MRTFB: variants seen among roughly 807,000 people sequenced by gnomAD.
The protein encoded by MRTFB is myocardin-related transcription factor B.
MRTFB carries 29 observed loss-of-function variants against 104.2 expected under a neutral mutation model. The observed-to-expected ratio is 0.28, with a 90% confidence interval of 0.21 to 0.38. The LOEUF (loss-of-function observed/expected upper bound fraction) is 0.38. Ranked by LOEUF, MRTFB falls within the 10% of genes least tolerant of loss-of-function variation. The pLI is 1.00. For synonymous variants in MRTFB, 535 were observed against 519.5 expected, an observed-to-expected ratio of 1.03 and a Z score of -0.41; for missense variants, 1,270 against 1,341.6, an observed-to-expected ratio of 0.95 and a Z score of 0.83.
At chr16:14,135,666 T>C (rs1248900897) in intron 2 of MRTFB, among the ~76,000 whole-genome samples, 1 of 152,244 alleles carries the variant, frequency 6.6e-6, no homozygotes. Context: ...TTCCTCAGCA[T>C]TTCAGCATGA....
At chr16:14,213,484 A>G (rs1394540006) in intron 5 of MRTFB, 61 bp from the exon 6 acceptor site, 26 of 1,188,484 alleles carry the variant, frequency 2.2e-5, no homozygotes, top group Non-Finnish European at 3.1e-5. Context: ...TACCTTAAAG[A>G]ACATTTAAAA....
intron 2 of MRTFB, among the ~76,000 whole-genome samples, chr16:14,135,408 C>T (rs1484101587): frequency 1.3e-5 from 2 of 152,224 alleles, no homozygotes; most frequent in Admixed American, 6.5e-5. Context: ...CATTGTGTTA[C>T]AGTCACCTGT....
intron 8 of MRTFB, among the ~76,000 whole-genome samples, chr16:14,226,511 A>T (rs1279113321): frequency 6.6e-6 from 1 of 152,234 alleles, no homozygotes; most frequent in Non-Finnish European, 1.5e-5. Flanking sequence ...ACCTTTACCT[A>T]ACATCGTAGG....
intron 3 of MRTFB, among the ~76,000 whole-genome samples, chr16:14,147,716 G>A (rs778186415): frequency 6.6e-6 from 1 of 152,190 alleles, no homozygotes; most frequent in South Asian, 2.1e-4. Flanking sequence ...TTATCAATGA[G>A]GGGGTGGATG....
intron 2 of MRTFB, among the ~76,000 whole-genome samples, chr16:14,081,476 A>G (rs1305999721): frequency 1.3e-5 from 2 of 152,048 alleles, no homozygotes. Flanking sequence ...TATTTTTAGT[A>G]GAGACGGGGT....
At chr16:14,216,054 A>G (rs974445373) in intron 6 of MRTFB, among the ~76,000 whole-genome samples, 1 of 152,268 alleles carries the variant, frequency 6.6e-6, no homozygotes, top group Admixed American at 6.5e-5. Context: ...TAAATTATGT[A>G]TTCGCAATAG....
chr16:14,213,685 A>T, intron 6 of MRTFB, 65 bp downstream of exon 6: 3 of 1,174,796 alleles, frequency 2.6e-6, no homozygotes, highest in Non-Finnish European at 3.6e-6. Context: ...AATTTCCACC[A>T]TTTCTGTTTA....
chr16:14,104,777 C>T (rs1017454640), intron 2 of MRTFB, among the ~76,000 whole-genome samples: 9 of 152,134 alleles, frequency 5.9e-5, no homozygotes, highest in Non-Finnish European at 1.2e-4. Context: ...ATGTAGGCAC[C>T]GCAGTCCATT....
At chr16:14,203,886 CAT>C in intron 3 of MRTFB, among the ~76,000 whole-genome samples, 1 of 150,122 alleles carries the variant, frequency 6.7e-6, no homozygotes, top group Non-Finnish European at 1.5e-5. Flanking sequence ...GTTCAAAAAG[CAT>C]GTGAAATTTT....
At chr16:14,115,696 A>G (rs943789005) in intron 2 of MRTFB, among the ~76,000 whole-genome samples, 3 of 152,210 alleles carry the variant, frequency 2.0e-5, no homozygotes, top group Non-Finnish European at 4.4e-5. Flanking sequence ...TGCACTACAA[A>G]TAGCCTCAAA....
intron 2 of MRTFB, among the ~76,000 whole-genome samples, chr16:14,098,429 C>G (rs1304558399): frequency 6.6e-6 from 1 of 152,062 alleles, no homozygotes; most frequent in Non-Finnish European, 1.5e-5. Context: ...CTTATTATTA[C>G]TGAGTTTTGA....
intron 2 of MRTFB, among the ~76,000 whole-genome samples, chr16:14,119,360 T>C (rs2036718682): frequency 1.3e-5 from 2 of 152,182 alleles, no homozygotes; most frequent in African/African-American, 4.8e-5. Flanking sequence ...TAGGTTATAG[T>C]TTGTTTATGT....
In MRTFB at chr16:14,263,724, T is replaced by C. The variant is rs2043852178; in HGVS notation, c.*2280T>C. ...AAAATGCTATCTCATTGGCCTACTC[T>C]CCTATGAATTGCTAAAGTGCCCACT... On this transcript the variant is annotated 3_prime_UTR_variant, in exon 17 of 17. Transcript: ENST00000571589. 1 of 152,238 alleles carries C rather than the reference T, an allele frequency of 6.6e-6. No homozygotes were observed. The highest frequency in any genetic ancestry group is 6.5e-5 in the Admixed American group (1 of 15,280). The allele number at this position is 152,238 out of a possible 1,614,324, so 9.4% of individuals were successfully genotyped here.
intron 8 of MRTFB, among the ~76,000 whole-genome samples, chr16:14,228,618 T>C (rs984318784): frequency 6.6e-6 from 1 of 151,976 alleles, no homozygotes; most frequent in South Asian, 2.1e-4. Flanking sequence ...CAGATATTTG[T>C]ATATCCCTGT....
rs535059625 is a variant in MRTFB, at chr16:14,200,691, C to T, written c.155-9552C>T. The T allele has an allele frequency of 1.6e-4, 241 of 1,541,486 alleles. 3 individuals are homozygous for T. In the South Asian group the frequency reaches 2.2e-3, roughly 14 times the overall value. On this transcript the variant is annotated intron_variant, in intron 3 of 16. Coordinates refer to ENST00000571589, the MANE Select transcript of MRTFB (RefSeq NM_001308142.2). ...GTGTTTGAATCTAGAAAGGAGTCCT[C>T]TCAAGAGAATGAAACTGTGTCAGAG...
At chr16:14,106,520 A>G (rs139448788) in intron 2 of MRTFB, among the ~76,000 whole-genome samples, 2 of 152,302 alleles carry the variant, frequency 1.3e-5, no homozygotes, top group East Asian at 1.9e-4. Context: ...GACTGTAACT[A>G]TGTGAGTGAG....
intron 15 of MRTFB, among the ~76,000 whole-genome samples, chr16:14,255,343 T>C (rs1340491974): frequency 6.6e-6 from 1 of 152,204 alleles, no homozygotes; most frequent in Admixed American, 6.5e-5. Flanking sequence ...GTCAAATTGT[T>C]GACAAGACAG....
At chr16:14,252,545 G>T in intron 15 of MRTFB, 43 bp downstream of exon 15, 2 of 1,610,784 alleles carry the variant, frequency 1.2e-6, no homozygotes, top group Non-Finnish European at 1.7e-6. Context: ...TATGGTGGAT[G>T]TGCCCACGTT....
At chr16:14,089,847 G>T (rs944307451) in intron 2 of MRTFB, among the ~76,000 whole-genome samples, 1 of 152,120 alleles carries the variant, frequency 6.6e-6, no homozygotes, top group Admixed American at 6.5e-5. Context: ...ATGTGAAGTG[G>T]TGTCTCATGA....
Sources: allele counts gnomAD v4.1 joint callset (sites outside exome capture counted in the v4.1 genomes callset), GRCh38; gene constraint gnomAD v4.1.1; transcripts MANE v1.5; gene names NCBI Gene and HGNC (gene_info 2026-07-23, HGNC 2026-07-21).